Variants in LYST observed in about 807,000 individuals in gnomAD.
LYST encodes lysosomal-trafficking regulator.
LYST carries 192 observed loss-of-function variants against 413.6 expected under a neutral mutation model. The ratio of observed to expected loss-of-function variants is 0.46; its 90% confidence interval spans 0.41 to 0.52. The LOEUF is 0.52. Among genes scored for constraint, LYST ranks in the 20% least tolerant of loss-of-function variants. The probability of loss-of-function intolerance (pLI) is 0.00; values close to 1 mark genes in which losing one functional copy is unlikely to be tolerated. For missense variants in LYST, 3,815 were observed against 4,499.9 expected, an observed-to-expected ratio of 0.85 and a Z score of 4.35; for synonymous variants, 1,525 against 1,567.3, an observed-to-expected ratio of 0.97 and a Z score of 0.64.
intron 1 of LYST, among the ~76,000 whole-genome samples, chr1:235,859,721 C>T (rs369631685): frequency 6.6e-6 from 1 of 152,100 alleles, no homozygotes; most frequent in East Asian, 1.9e-4. Flanking sequence ...CTCCTTTATC[C>T]ATAACTACAC....
At chr1:235,758,112 G>C (rs1667219675) in intron 23 of LYST, among the ~76,000 whole-genome samples, 1 of 152,182 alleles carries the variant, frequency 6.6e-6, no homozygotes, top group South Asian at 2.1e-4. Context: ...AGCTCCTGGT[G>C]AAAGGAGATT....
chr1:235,732,080 C>T (rs1158062462), intron 34 of LYST, among the ~76,000 whole-genome samples: 3 of 150,502 alleles, frequency 2.0e-5, no homozygotes, highest in Non-Finnish European at 3.0e-5. Context: ...TTTTTTAAAA[C>T]GTGCATCTGT....
chr1:235,719,479 C>T (rs568312380), intron 40 of LYST, among the ~76,000 whole-genome samples: 1 of 152,058 alleles, frequency 6.6e-6, no homozygotes, highest in East Asian at 1.9e-4. Flanking sequence ...TTGATTCAAG[C>T]AATAATCATC....
chr1:235,860,113 C>G (rs1454584344), intron 1 of LYST, among the ~76,000 whole-genome samples: 1 of 152,146 alleles, frequency 6.6e-6, no homozygotes, highest in Non-Finnish European at 1.5e-5. Context: ...TCCTCTCCCC[C>G]CATTTTTAAA....
chr1:235,875,667 A>G lies in LYST; in HGVS notation n.454+7520T>C, dbSNP rs60364721. Among the ~76,000 whole-genome samples the G allele has an allele frequency of 9.6e-3, 1,466 of 152,146 alleles. 25 individuals carry two copies. The highest frequency in any genetic ancestry group is 0.034 in the African/African-American group (1,407 of 41,460). On this transcript the variant is annotated intron_variant and non_coding_transcript_variant, in intron 1 of 11. Transcript: ENST00000465349. Reference sequence around the variant, plus strand: ...TGTGCTACAGCCTGGGCAACATGGCAAGACCCTATCTCTACAAAAGTAAAA... The same window carrying G: ...TGTGCTACAGCCTGGGCAACATGGCGAGACCCTATCTCTACAAAAGTAAAA...
At chr1:235,864,156 C>T (rs1375769864) in intron 1 of LYST, among the ~76,000 whole-genome samples, 1 of 152,134 alleles carries the variant, frequency 6.6e-6, no homozygotes, top group Non-Finnish European at 1.5e-5. Context: ...CCCATTTTCT[C>T]ATGCTGTATT....
At chr1:235,780,538 G>A (rs1419305643) in intron 16 of LYST, among the ~76,000 whole-genome samples, 1 of 151,860 alleles carries the variant, frequency 6.6e-6, no homozygotes, top group African/African-American at 2.4e-5. Flanking sequence ...CATTTTTTAG[G>A]AGTATGTCAA....
At chr1:235,738,035 T>C in intron 31 of LYST, 5 of 1,560,568 alleles carry the variant, frequency 3.2e-6, no homozygotes, top group Non-Finnish European at 3.5e-6. Context: ...TTCACAGTCT[T>C]CTAAAGGAAG....
intron 16 of LYST, among the ~76,000 whole-genome samples, chr1:235,778,566 G>T (rs1011727803): frequency 6.6e-6 from 1 of 151,720 alleles, no homozygotes; most frequent in African/African-American, 2.4e-5. Flanking sequence ...TAGAGACAGG[G>T]TTTCACCATG....
chr1:235,700,217 A>C (rs1183390827), intron 45 of LYST, among the ~76,000 whole-genome samples: 1 of 152,234 alleles, frequency 6.6e-6, no homozygotes, highest in African/African-American at 2.4e-5. Flanking sequence ...AATTGCAATA[A>C]GAGCCAAAAT....
chr1:235,848,471 GA>G, intron 1 of LYST, among the ~76,000 whole-genome samples: 1 of 151,982 alleles, frequency 6.6e-6, no homozygotes, highest in Non-Finnish European at 1.5e-5. Flanking sequence ...AGGAACTAGA[GA>G]AACTAGAACA....
At chr1:235,677,982 TAC>T (rs1177845254) in intron 48 of LYST, among the ~76,000 whole-genome samples, 2 of 152,194 alleles carry the variant, frequency 1.3e-5, no homozygotes, top group Admixed American at 1.3e-4. Flanking sequence ...TAATATTCTA[TAC>T]AGTTAGTACC....
chr1:235,810,439 T>G lies in LYST; in HGVS notation c.379A>C (p.Ser127Arg), dbSNP rs1046482208. The G allele has an allele frequency of 1.9e-6, 3 of 1,610,398 alleles. No individual in the cohort carries two copies. Among genetic ancestry groups the G allele is most frequent in the Non-Finnish European group, 1.7e-6 (2 of 1,179,076 alleles). The change falls in exon 5 of 53, where the codon AGT becomes CGT. Residue 127 changes from serine (S) to arginine (R), a missense_variant. By Grantham distance (110) the Ser-to-Arg change is moderately radical. This residue lies in a region of LYST where 1,648 missense variants were observed against 1,810.3 expected (regional missense o/e 0.91). Coordinates refer to ENST00000389793, the MANE Select transcript of LYST (RefSeq NM_000081.4). Reference protein sequence around the residue: ...STQEKLHLEGSALSSQVSAKV... With the variant: ...STQEKLHLEGRALSSQVSAKV... ...GCAGAAACCTGACTAGACAGGGCACTTCCTTCTAAATGTAATTTTTCCTGA... is the reference window on the plus strand; with the variant it reads ...GCAGAAACCTGACTAGACAGGGCACGTCCTTCTAAATGTAATTTTTCCTGA...
Position 235,810,098 on chromosome 1 carries a change from CTCACTTAAAATG to C in LYST, c.708_719del (p.Asp236_Ser239del). ...TACTGATAACAGACAAGGCAGCTGG[CTCACTTAAAATG>C]TCAGTGTTTGACCCCTGTCTTGGAA... On this transcript the variant is annotated inframe_deletion, in exon 5 of 53. Transcript: ENST00000389793. The C allele has an allele frequency of 6.2e-7, 1 of 1,614,110 alleles. No individual in the cohort carries two copies. The highest frequency in any genetic ancestry group is 1.7e-5 in the Admixed American group (1 of 60,020).
chr1:235,827,957 C>A (rs1675520255), intron 3 of LYST: 1 of 440,600 alleles, frequency 2.3e-6, no homozygotes, highest in Non-Finnish European at 3.0e-6. Flanking sequence ...AAAAATGGTA[C>A]AAAACTTTTA....
Position 235,746,463 on chromosome 1 carries a change from A to G in LYST, c.7845T>C (p.Asn2615=), listed in dbSNP as rs765293275. Residue 2615 remains asparagine, a synonymous_variant, in exon 29 of 53, where the codon AAT becomes AAC. Coordinates refer to ENST00000389793, the MANE Select transcript of LYST (RefSeq NM_000081.4). ...SLLMKMRSVA[N]DELHVMMQRR... is the part of the protein sequence containing the mutation. ...GTTGCATCATCACATGAAGCTCATC[A>G]TTTGCCACTGAACGCATTTTCATCA... 6.2e-7 allele frequency: 1 copy of G among 1,613,914 alleles called. No individual in the cohort carries two copies. The highest frequency in any genetic ancestry group is 8.5e-7 in the Non-Finnish European group (1 of 1,179,906).
chr1:235,781,973 CA>C lies in LYST; in HGVS notation c.4976del (p.Leu1659CysfsTer38). 1 of 1,613,654 alleles carries C rather than the reference CA, an allele frequency of 6.2e-7. No individual in the cohort carries two copies. Among genetic ancestry groups the C allele is most frequent in the Non-Finnish European group, 8.5e-7 (1 of 1,179,684 alleles). On this transcript the variant is annotated frameshift_variant, in exon 15 of 53. Transcript: ENST00000389793. LOFTEE classifies it high-confidence loss of function. ...GHCLSSQEEF[L>X]QLAGKWDLGN... ...CCAGGTCCCATTTTCCAGCCAACTG[CA>C]AAAACTCTTCTTGGGATGATAAACA...
intron 6 of LYST, among the ~76,000 whole-genome samples, chr1:235,805,000 T>G (rs921979024): frequency 6.6e-6 from 1 of 152,160 alleles, no homozygotes; most frequent in African/African-American, 2.4e-5. Context: ...TTGTGGAAAT[T>G]CAGTGTGGAA....
intron 47 of LYST, among the ~76,000 whole-genome samples, chr1:235,687,498 C>G (rs1258791047): frequency 6.6e-6 from 1 of 152,032 alleles, no homozygotes; most frequent in Non-Finnish European, 1.5e-5. Context: ...TCTAATAGTT[C>G]TAAAGATTGT....
Sources: allele counts gnomAD v4.1 joint callset (sites outside exome capture counted in the v4.1 genomes callset), GRCh38; gene constraint gnomAD v4.1.1; regional missense constraint gnomAD v4.1.1; transcripts MANE v1.5; gene names NCBI Gene and HGNC (gene_info 2026-07-23, HGNC 2026-07-21).